The following TNFSF4 variants were observed in gnomAD, a reference collection of about 807,000 sequenced individuals.
The protein encoded by TNFSF4 is TNF superfamily member 4.
Under a neutral mutation model 7.3 loss-of-function variants are expected in TNFSF4, and 4 were observed. The observed-to-expected ratio is 0.55, with a 90% CI of 0.27 to 1.25. TNFSF4 has a LOEUF of 1.25. Ranked by LOEUF, TNFSF4 falls within the 50% of genes most tolerant of loss-of-function variation. The pLI is 0.12. For missense variants in TNFSF4, 181 were observed against 208.8 expected, an observed-to-expected ratio of 0.87 and a Z score of 0.82; for synonymous variants, 76 against 83.7, an observed-to-expected ratio of 0.91 and a Z score of 0.50.
At chr1:173,388,847 A>G in the TNFSF4 span, among the ~76,000 whole-genome samples, 1 of 152,194 alleles carries the variant, frequency 6.6e-6, no homozygotes. Context: ...TTTTACTCAC[A>G]TAAACAAAAA....
At chr1:173,426,472 G>A in the TNFSF4 span, among the ~76,000 whole-genome samples, 1 of 152,148 alleles carries the variant, frequency 6.6e-6, no homozygotes, top group Non-Finnish European at 1.5e-5. Context: ...CCCAGAACCT[G>A]TAAATGTGCT....
the TNFSF4 span, among the ~76,000 whole-genome samples, chr1:173,401,645 A>T: frequency 1.3e-5 from 2 of 152,100 alleles, no homozygotes; most frequent in Non-Finnish European, 1.5e-5. Context: ...CTCAGACTGA[A>T]CTACACCACT....
chr1:173,273,798 G>A, the TNFSF4 span, among the ~76,000 whole-genome samples: 2 of 151,994 alleles, frequency 1.3e-5, no homozygotes, highest in Admixed American at 1.3e-4. Flanking sequence ...TTGAATTTTT[G>A]GATGTATGTG....
the TNFSF4 span, among the ~76,000 whole-genome samples, chr1:173,176,363 T>C: frequency 6.6e-6 from 1 of 152,202 alleles, no homozygotes; most frequent in East Asian, 1.9e-4. Flanking sequence ...ATCCCTCAGA[T>C]GTTGTGTCAC....
Position 173,186,451 on chromosome 1 carries a change from T to C in TNFSF4, c.*65A>G. 7.4e-7 allele frequency: 1 copy of C among 1,359,176 alleles called. No individual in the cohort carries two copies. The highest frequency in any genetic ancestry group is 1.0e-6 in the Non-Finnish European group (1 of 981,022). 84.2% of individuals were successfully genotyped at this position (1,359,176 alleles called of 1,614,324 possible). A position where few individuals can be genotyped will look rare whatever the true frequency, so the allele number is the denominator to read the frequency against. ...TCCTTCACTTGCAATGAAGAATCCA[T>C]GCCCTGTCCACCCCCAGCTTGGTGT... On this transcript the variant is annotated 3_prime_UTR_variant, in exon 3 of 3. Coordinates refer to ENST00000281834, the MANE Select transcript of TNFSF4 (RefSeq NM_003326.5).
chr1:173,297,337 T>C, the TNFSF4 span, among the ~76,000 whole-genome samples: 2 of 152,002 alleles, frequency 1.3e-5, no homozygotes, highest in East Asian at 3.9e-4. Flanking sequence ...AGATCACTGG[T>C]ATGGCAGACA....
chr1:173,318,871 G>A, the TNFSF4 span, among the ~76,000 whole-genome samples: 2 of 152,152 alleles, frequency 1.3e-5, no homozygotes, highest in Non-Finnish European at 2.9e-5. Context: ...ACTCCCTCAT[G>A]TGCCTACACC....
the TNFSF4 span, among the ~76,000 whole-genome samples, chr1:173,407,113 T>C: frequency 6.6e-6 from 1 of 151,882 alleles, no homozygotes; most frequent in Non-Finnish European, 1.5e-5. Context: ...GCAAAGGCAG[T>C]GGCCACTGGG....
chr1:173,292,406 G>A, the TNFSF4 span, among the ~76,000 whole-genome samples: 3,075 of 152,158 alleles, frequency 0.02, 103 homozygotes, highest in African/African-American at 0.071. Flanking sequence ...AATAGATGCA[G>A]AAAAGGCTTT....
chr1:173,203,307 A>G (rs1650027564), intron 1 of TNFSF4, among the ~76,000 whole-genome samples: 1 of 152,164 alleles, frequency 6.6e-6, no homozygotes, highest in African/African-American at 2.4e-5. Flanking sequence ...ATGATTCTAT[A>G]TGTTTAATAC....
the TNFSF4 span, among the ~76,000 whole-genome samples, chr1:173,222,612 C>G: frequency 6.6e-6 from 1 of 152,162 alleles, no homozygotes; most frequent in Non-Finnish European, 1.5e-5. Context: ...AAGCAAAGTA[C>G]ATCCTAACAT....
the TNFSF4 span, among the ~76,000 whole-genome samples, chr1:173,233,453 C>T: frequency 1.6e-4 from 24 of 152,266 alleles, no homozygotes; most frequent in Non-Finnish European, 2.9e-4. Context: ...GGCAGGCCAA[C>T]ATTCAAATTC....
chr1:173,253,617 A>G, the TNFSF4 span, among the ~76,000 whole-genome samples: 1 of 152,198 alleles, frequency 6.6e-6, no homozygotes, highest in Non-Finnish European at 1.5e-5. Context: ...GAACTGAGCT[A>G]TGGGTTAGAG....
the TNFSF4 span, among the ~76,000 whole-genome samples, chr1:173,307,564 A>G: frequency 6.6e-6 from 1 of 151,980 alleles, no homozygotes; most frequent in Non-Finnish European, 1.5e-5. Context: ...TTAACTCTAT[A>G]TCAGATAATA....
the TNFSF4 span, among the ~76,000 whole-genome samples, chr1:173,343,935 C>T: frequency 1.3e-5 from 2 of 152,092 alleles, no homozygotes; most frequent in Non-Finnish European, 2.9e-5. Flanking sequence ...GTGTTAGAGA[C>T]ATTATTGAAG....
chr1:173,281,140 T>G, the TNFSF4 span, among the ~76,000 whole-genome samples: 1 of 152,120 alleles, frequency 6.6e-6, no homozygotes, highest in African/African-American at 2.4e-5. Context: ...ATGCGCATTG[T>G]TAGAACAGTT....
intron 1 of TNFSF4, among the ~76,000 whole-genome samples, chr1:173,200,467 T>A (rs1164252872): frequency 6.6e-6 from 1 of 152,174 alleles, no homozygotes; most frequent in Non-Finnish European, 1.5e-5. Context: ...GAGTTTAGGT[T>A]TTATTGCACC....
chr1:173,187,968 G>A (rs908231700), intron 2 of TNFSF4, among the ~76,000 whole-genome samples: 1 of 152,170 alleles, frequency 6.6e-6, no homozygotes. Context: ...ACTTATGGAG[G>A]ACAAGAAATA....
chr1:173,405,518 G>C, the TNFSF4 span, among the ~76,000 whole-genome samples: 2 of 152,178 alleles, frequency 1.3e-5, no homozygotes, highest in Non-Finnish European at 2.9e-5. Flanking sequence ...ACTGTGCCAA[G>C]ATATTTGAGG....
Sources: allele counts gnomAD v4.1 joint callset (sites outside exome capture counted in the v4.1 genomes callset), GRCh38; gene constraint gnomAD v4.1.1; transcripts MANE v1.5; gene names NCBI Gene and HGNC (gene_info 2026-07-23, HGNC 2026-07-21).